NIBAN1: variants seen among roughly 807,000 people sequenced by gnomAD.
NIBAN1 encodes the protein protein Niban 1.
NIBAN1 carries 81 observed loss-of-function variants against 75.1 expected under a neutral mutation model. The ratio of observed to expected loss-of-function variants is 1.08; its 90% confidence interval spans 0.90 to 1.30. The LOEUF is 1.30. NIBAN1 is among the 50% of genes most tolerant of loss of function. The probability of loss-of-function intolerance (pLI) is 0.00; values close to 1 mark genes in which losing one functional copy is unlikely to be tolerated. For synonymous variants in NIBAN1, 436 were observed against 424.8 expected, an observed-to-expected ratio of 1.03 and a Z score of -0.32; for missense variants, 1,133 against 1,128.1, an observed-to-expected ratio of 1.00 and a Z score of -0.06.
At chr1:184,832,424 C>T (rs1655024227) in intron 5 of NIBAN1, among the ~76,000 whole-genome samples, 1 of 152,162 alleles carries the variant, frequency 6.6e-6, no homozygotes, top group Non-Finnish European at 1.5e-5. Context: ...CACAACATGC[C>T]AATTTATGCA....
intron 5 of NIBAN1, among the ~76,000 whole-genome samples, chr1:184,861,593 G>A (rs1246612120): frequency 6.9e-6 from 1 of 144,482 alleles, no homozygotes; most frequent in African/African-American, 2.6e-5. Context: ...AGGGAAGGAA[G>A]GAGGGAAGGA....
At chr1:184,956,851 C>T (rs1557930250) in intron 1 of NIBAN1, among the ~76,000 whole-genome samples, 1 of 152,166 alleles carries the variant, frequency 6.6e-6, no homozygotes, top group Non-Finnish European at 1.5e-5. Context: ...TCATTAGCCC[C>T]CCACCAAATC....
At chr1:184,934,511 C>T (rs968690011) in intron 1 of NIBAN1, among the ~76,000 whole-genome samples, 2 of 152,172 alleles carry the variant, frequency 1.3e-5, no homozygotes, top group African/African-American at 4.8e-5. Context: ...CACCTGTAAT[C>T]GCAGCACTTT....
chr1:184,932,924 A>C (rs1657863213), intron 1 of NIBAN1, among the ~76,000 whole-genome samples: 1 of 152,204 alleles, frequency 6.6e-6, no homozygotes, highest in Non-Finnish European at 1.5e-5. Context: ...TCTGACAAAA[A>C]AGAGAAACAC....
intron 5 of NIBAN1, among the ~76,000 whole-genome samples, chr1:184,877,679 G>C (rs1233218551): frequency 6.6e-6 from 1 of 152,108 alleles, no homozygotes; most frequent in Non-Finnish European, 1.5e-5. Flanking sequence ...ATGCCAAATA[G>C]AGTCCTTTCA....
chr1:184,798,245 T>C lies in NIBAN1; in HGVS notation c.1555-55A>G, dbSNP rs553779033. ...TGAAAAGGCATGAGATGCCTGTTCT[T>C]AGAGGAGATACAGAAAGGACGATTC... On this transcript the variant is annotated intron_variant, in intron 12 of 13. Coordinates refer to ENST00000367511, the MANE Select transcript of NIBAN1 (RefSeq NM_052966.4). 5.4e-5 allele frequency: 60 copies of C among 1,120,372 alleles called. No homozygotes were observed. In the East Asian group the frequency reaches 1.4e-3, roughly 27 times the overall value. 69.4% of individuals were successfully genotyped at this position (1,120,372 alleles called of 1,614,324 possible).
rs553471230 is a variant in NIBAN1, at chr1:184,901,749, C to T, written c.56-2440G>A. Among the ~76,000 whole-genome samples the T allele has an allele frequency of 2.6e-5, 4 of 152,292 alleles. No homozygotes were observed. The South Asian group carries it at 6.2e-4, about 24-fold the overall frequency. ...CCACATCACCAAGCCTCCCCAGGGA[C>T]GCCCTGCTTCTGGTGAGGTGCCATA... On this transcript the variant is annotated intron_variant, in intron 1 of 13. Coordinates refer to ENST00000367511, the MANE Select transcript of NIBAN1 (RefSeq NM_052966.4).
chr1:184,972,311 G>C (rs1184496374), intron 1 of NIBAN1, among the ~76,000 whole-genome samples: 1 of 152,156 alleles, frequency 6.6e-6, no homozygotes, highest in African/African-American at 2.4e-5. Flanking sequence ...AATATTTATA[G>C]GCTAAAAAAT....
Position 184,831,923 on chromosome 1 carries a change from A to G in NIBAN1, c.641T>C (p.Leu214Ser). ...CTGTCGGAAGAATTGCACAGCTTCT[A>G]AAAAGGCTTGGGCTTCAAATGTCAT... ...KQMTFEAQAFLEAVQFFRQEK... is the reference protein window; with the variant it reads ...KQMTFEAQAFSEAVQFFRQEK... Residue 214 changes from leucine (L) to serine (S), a missense_variant, in exon 6 of 14, where the codon TTA becomes TCA. Physicochemically the swap from Leu to Ser is moderately radical, Grantham distance 145. Transcript: ENST00000367511. 1 of 1,614,058 alleles carries G rather than the reference A, an allele frequency of 6.2e-7. No individual in the cohort carries two copies. The highest frequency in any genetic ancestry group is 8.5e-7 in the Non-Finnish European group (1 of 1,179,928).
At chr1:184,925,197 A>G (rs1657651219) in intron 1 of NIBAN1, among the ~76,000 whole-genome samples, 1 of 151,890 alleles carries the variant, frequency 6.6e-6, no homozygotes, top group Non-Finnish European at 1.5e-5. Flanking sequence ...TTATTTTGAA[A>G]TCTATTTTAT....
chr1:184,930,353 A>G (rs1407654239), intron 1 of NIBAN1, among the ~76,000 whole-genome samples: 1 of 152,222 alleles, frequency 6.6e-6, no homozygotes, highest in East Asian at 1.9e-4. Context: ...GCCACAACAT[A>G]GAGAGATGTA....
intron 4 of NIBAN1, among the ~76,000 whole-genome samples, chr1:184,886,419 T>C (rs1337905664): frequency 6.6e-6 from 1 of 152,198 alleles, no homozygotes; most frequent in Admixed American, 6.5e-5. Context: ...CACAGCACAG[T>C]CATGGAACAT....
At chr1:184,900,053 T>A (rs886698774) in intron 1 of NIBAN1, among the ~76,000 whole-genome samples, 8 of 152,244 alleles carry the variant, frequency 5.3e-5, no homozygotes, top group Admixed American at 5.2e-4. Flanking sequence ...CAACCTCAGA[T>A]GATCTGCCCG....
intron 5 of NIBAN1, among the ~76,000 whole-genome samples, chr1:184,866,982 T>G (rs1454244391): frequency 2.6e-5 from 4 of 152,234 alleles, no homozygotes; most frequent in Non-Finnish European, 5.9e-5. Context: ...TATTCATTTA[T>G]GAGCACAGAT....
chr1:184,926,100 A>T (rs554566809), intron 1 of NIBAN1, among the ~76,000 whole-genome samples: 17 of 152,160 alleles, frequency 1.1e-4, no homozygotes, highest in African/African-American at 2.9e-4. Context: ...TGCTGGATAT[A>T]CTATTCTAGG....
At chr1:184,796,168 T>G in intron 13 of NIBAN1, 71 bp from the exon 14 acceptor site, 1 of 1,450,350 alleles carries the variant, frequency 6.9e-7, no homozygotes, top group South Asian at 1.5e-5. Context: ...TTTCAGCCTC[T>G]CTGGCTATCC....
chr1:184,832,836 C>T (rs1655035177), intron 5 of NIBAN1, among the ~76,000 whole-genome samples: 1 of 152,094 alleles, frequency 6.6e-6, no homozygotes, highest in African/African-American at 2.4e-5. Context: ...CTCAGAGTTC[C>T]ATAAGTCATG....
chr1:184,934,184 T>C (rs573210786), intron 1 of NIBAN1, among the ~76,000 whole-genome samples: 1 of 152,314 alleles, frequency 6.6e-6, no homozygotes, highest in African/African-American at 2.4e-5. Context: ...TAATTGCAGC[T>C]AGAAGCCATT....
chr1:184,795,804 G>A lies in NIBAN1; in HGVS notation c.1960C>T (p.Gln654Ter), dbSNP rs1434345552. ...TCATCCACTCTTGAAATAATCACCT[G>A]CTCAGTCCCATCTGGGGGTGGGCTT... ...GPSPPPDGTE[Q>*]VIISRVDDPV... Residue 654 changes from glutamine (Q) to a stop codon, truncating the protein, a stop_gained, in exon 14 of 14, where the codon CAG becomes TAG. Coordinates refer to ENST00000367511, the MANE Select transcript of NIBAN1 (RefSeq NM_052966.4). LOFTEE classifies it low-confidence loss of function (END_TRUNC). The A allele has an allele frequency of 6.2e-6, 10 of 1,610,582 alleles. No homozygotes were observed. The highest frequency in any genetic ancestry group is 7.6e-6 in the Non-Finnish European group (9 of 1,177,994).
Sources: allele counts gnomAD v4.1 joint callset (sites outside exome capture counted in the v4.1 genomes callset), GRCh38; gene constraint gnomAD v4.1.1; transcripts MANE v1.5; gene names NCBI Gene and HGNC (gene_info 2026-07-23, HGNC 2026-07-21).